CWC25: variants seen among roughly 807,000 people sequenced by gnomAD.
CWC25 encodes the protein pre-mRNA-splicing factor CWC25 homolog.
In CWC25, 31 loss-of-function variants were observed where a neutral mutation model predicts 54.6. The observed-to-expected ratio is 0.57, with a 90% confidence interval of 0.43 to 0.77. The LOEUF (loss-of-function observed/expected upper bound fraction) is 0.77, where lower values mean the gene tolerates loss of function less well. CWC25 is among the 30% of genes least tolerant of loss of function. The pLI is 0.00. For synonymous variants in CWC25, 151 were observed against 187.0 expected (o/e 0.81, Z 1.57); for missense variants, 453 against 529.3 (o/e 0.86, Z 1.41).
intron 6 of CWC25, 137 bp downstream of exon 6, chr17:38,809,565 G>T: frequency 1.5e-6 from 1 of 669,132 alleles, no homozygotes; most frequent in Non-Finnish European, 2.6e-6. Flanking sequence ...TCAGCCACAA[G>T]AAGGTGCTCA....
intron 1 of CWC25, 100 bp from the exon 2 acceptor site, chr17:38,821,173 G>A (rs1252830025): frequency 1.0e-5 from 12 of 1,164,262 alleles, no homozygotes; most frequent in South Asian, 6.0e-5. Context: ...CAAGGCAGGC[G>A]TGTGAGGGCA....
At chr17:38,806,682 A>AC in intron 7 of CWC25, 83 bp downstream of exon 7, 1 of 1,219,748 alleles carries the variant, frequency 8.2e-7, no homozygotes, top group Non-Finnish European at 1.1e-6. Context: ...CAATGGACGG[A>AC]CATCACCAAA....
chr17:38,821,106 C>A, intron 1 of CWC25, 33 bp from the exon 2 acceptor site: 1 of 1,595,240 alleles, frequency 6.3e-7, no homozygotes, highest in Non-Finnish European at 8.5e-7. Flanking sequence ...GATGATAATT[C>A]GGGGGGTGAC....
At position 38,809,682 on chromosome 17, in the gene CWC25, C is replaced by T. The variant is rs752573890; in HGVS notation, c.690+20G>A. ...CCCACAGTCCCACAGTCACTCCTTT[C>T]AAGAAGCCCACATCCCTACCTGTAA... On this transcript the variant is annotated intron_variant, in intron 6 of 9. Coordinates refer to ENST00000614790, the MANE Select transcript of CWC25 (RefSeq NM_017748.5). 4.3e-5 allele frequency: 69 copies of T among 1,612,286 alleles called. No individual in the cohort carries two copies. The South Asian group carries it at 6.7e-4, about 16-fold the overall frequency.
At chr17:38,807,470 C>T (rs1265154365) in intron 6 of CWC25, among the ~76,000 whole-genome samples, 4 of 141,174 alleles carry the variant, frequency 2.8e-5, no homozygotes, top group Non-Finnish European at 6.3e-5. Flanking sequence ...GAATCTCCTT[C>T]GGTCAGCCAG....
Position 38,802,835 on chromosome 17 carries a change from C to T in CWC25, c.1028G>A (p.Arg343Gln), listed in dbSNP as rs370528083. The change falls in exon 9 of 10, where the codon CGA (arginine) becomes CAA (glutamine). Residue 343 changes from arginine (R) to glutamine (Q), a missense_variant. Physicochemically the swap from Arg to Gln is conservative, Grantham distance 43 (BLOSUM62 1). Coordinates refer to ENST00000614790, the MANE Select transcript of CWC25 (RefSeq NM_017748.5). ...GTTTTCCATCATCTCTTGCCGTTTT[C>T]GCTCTAATTCCTCTGCAGAGAGTTT... is the stretch of plus-strand genomic sequence containing the variant. ...TRKLSAEELE[R>Q]KRQEMMENAK... is the part of the protein sequence containing the mutation. The T allele has an allele frequency of 2.0e-5, 32 of 1,613,830 alleles. No individual in the cohort carries two copies. The highest frequency in any genetic ancestry group is 5.3e-5 in the African/African-American group (4 of 74,904).
intron 1 of CWC25, among the ~76,000 whole-genome samples, chr17:38,824,918 G>C (rs575466892): frequency 6.6e-6 from 1 of 151,984 alleles, no homozygotes; most frequent in African/African-American, 2.4e-5. Context: ...ATTTACAGCC[G>C]GTAGAGCCGC....
In CWC25 at chr17:38,802,084, G is replaced by C. The variant is rs569189633; in HGVS notation, c.*8C>G. ...ATGCAGGAAAACCAATAAGAGAGGG[G>C]ACAGTTTTCATCTTTTCATAAAGTT... On this transcript the variant is annotated 3_prime_UTR_variant, in exon 10 of 10. Transcript: ENST00000614790. 1.2e-5 allele frequency: 19 copies of C among 1,552,142 alleles called. No individual in the cohort carries two copies. The highest frequency in any genetic ancestry group is 1.6e-5 in the Non-Finnish European group (18 of 1,124,016).
At chr17:38,802,443 G>A (rs181081032) in intron 9 of CWC25, among the ~76,000 whole-genome samples, 1 of 152,322 alleles carries the variant, frequency 6.6e-6, no homozygotes, top group East Asian at 1.9e-4. Context: ...ATTGGAAAAA[G>A]GCTTCCTGGG....
intron 2 of CWC25, among the ~76,000 whole-genome samples, chr17:38,820,585 C>T (rs1911882530): frequency 6.6e-6 from 1 of 152,188 alleles, no homozygotes; most frequent in Non-Finnish European, 1.5e-5. Flanking sequence ...AGCAACCATC[C>T]TCCATCACGG....
intron 2 of CWC25, among the ~76,000 whole-genome samples, chr17:38,817,078 C>T (rs1252879419): frequency 6.6e-6 from 1 of 151,272 alleles, no homozygotes; most frequent in Non-Finnish European, 1.5e-5. Flanking sequence ...CGGTGGCTCA[C>T]ACTTATAATC....
intron 2 of CWC25, among the ~76,000 whole-genome samples, chr17:38,819,033 A>ATTTG (rs1295974503): frequency 2.0e-5 from 3 of 151,778 alleles, no homozygotes; most frequent in Non-Finnish European, 4.4e-5. Flanking sequence ...TTATTTATTT[A>ATTTG]TTTACTTAGA....
chr17:38,806,189 A>T, intron 8 of CWC25, 108 bp downstream of exon 8: 1 of 927,072 alleles, frequency 1.1e-6, no homozygotes, highest in Non-Finnish European at 1.7e-6. Context: ...GATAAATAAA[A>T]GTTGGTTCGT....
chr17:38,821,094 G>C lies in CWC25; in HGVS notation c.19-21C>G, dbSNP rs376202617. Reference sequence around the variant, plus strand: ...AGATTCTGTGGTAAATAAAAAGAAGGTGATGATAATTCGGGGGGTGACTGA... The same window carrying C: ...AGATTCTGTGGTAAATAAAAAGAAGCTGATGATAATTCGGGGGGTGACTGA... On this transcript the variant is annotated intron_variant, in intron 1 of 9. Coordinates refer to ENST00000614790, the MANE Select transcript of CWC25 (RefSeq NM_017748.5). The C allele has an allele frequency of 2.1e-5, 33 of 1,605,686 alleles. No homozygotes were observed. The African/African-American group carries it at 4.0e-4, about 20-fold the overall frequency.
At chr17:38,815,939 G>T (rs143848721) in intron 2 of CWC25, among the ~76,000 whole-genome samples, 1 of 152,128 alleles carries the variant, frequency 6.6e-6, no homozygotes, top group Non-Finnish European at 1.5e-5. Context: ...AGCCAAAAGA[G>T]CCAAACACTG....
At position 38,802,110 on chromosome 17, in the gene CWC25, C is replaced by A. The variant is rs760764146; in HGVS notation, c.1260G>T (p.Lys420Asn). Residue 420 changes from lysine to asparagine, a missense_variant, in exon 10 of 10, where the codon AAG becomes AAT. Physicochemically the swap from Lys to Asn is moderately conservative, Grantham distance 94 (BLOSUM62 0). Transcript: ENST00000614790. ...ACAGTTTTCATCTTTTCATAAAGTT[C>A]TTCTCCAGAGCTACCGAAGTTCTCT... Reference protein sequence around the residue: ...SLQRTSVALEKNFMKR With the variant: ...SLQRTSVALENNFMKR The A allele has an allele frequency of 1.6e-5, 26 of 1,612,098 alleles. No homozygotes were observed. The South Asian group carries it at 2.5e-4, about 16-fold the overall frequency.
In CWC25 at chr17:38,803,888, T is replaced by A. The variant is rs187905697; in HGVS notation, c.1002-1027A>T. Among the ~76,000 whole-genome samples, 673 of 151,600 alleles carry A rather than the reference T, an allele frequency of 4.4e-3. 7 individuals are homozygous for A. The highest frequency in any genetic ancestry group is 0.016 in the African/African-American group (655 of 41,332). On this transcript the variant is annotated intron_variant, in intron 8 of 9. Coordinates refer to ENST00000614790, the MANE Select transcript of CWC25 (RefSeq NM_017748.5). ...CCTCCCATCTCTGCAAAAAAAAAAT[T>A]TTTTTTTAATTAGTTGGGCATGGTG...
rs894055520 is a variant in CWC25, at chr17:38,820,500, G to A, written c.191+401C>T. ...ACCTCACTCCCTGCCCCCTGTCCCC[G>A]CCGACCCAAGCAAGCCTGAAATACA... On this transcript the variant is annotated intron_variant, in intron 2 of 9. Coordinates refer to ENST00000614790, the MANE Select transcript of CWC25 (RefSeq NM_017748.5). Among the ~76,000 whole-genome samples, 7 of 152,020 alleles carry A rather than the reference G, an allele frequency of 4.6e-5. No individual in the cohort carries two copies. In the East Asian group the frequency reaches 7.7e-4, roughly 17 times the overall value.
In CWC25 at chr17:38,800,455, A is replaced by G. The variant is rs1043941934; in HGVS notation, c.*1637T>C. 9 of 151,394 alleles carry G rather than the reference A, an allele frequency of 5.9e-5. No individual in the cohort carries two copies. The highest frequency in any genetic ancestry group is 2.2e-4 in the African/African-American group (9 of 40,622). 9.4% of individuals were successfully genotyped at this position (151,394 alleles called of 1,614,324 possible). A position where few individuals can be genotyped will look rare whatever the true frequency, so the allele number is the denominator to read the frequency against. ...GGTGGTCGCTCTTTAAACAGTTACAAAAATAAATGTGGCCTTTATTACCAA... is the reference window on the plus strand; with the variant it reads ...GGTGGTCGCTCTTTAAACAGTTACAGAAATAAATGTGGCCTTTATTACCAA... On this transcript the variant is annotated 3_prime_UTR_variant, in exon 10 of 10. Coordinates refer to ENST00000614790, the MANE Select transcript of CWC25 (RefSeq NM_017748.5).
Sources: gnomAD v4.1 joint callset for allele counts (sites outside exome capture counted in the v4.1 genomes callset) on GRCh38, gnomAD v4.1.1 for gene constraint, MANE v1.5 for transcripts, NCBI Gene and HGNC (gene_info 2026-07-23, HGNC 2026-07-21) for gene names.